HEPHL1: variants seen among roughly 807,000 people sequenced by gnomAD.
HEPHL1 encodes ferroxidase HEPHL1.
A neutral mutation model predicts 122.0 loss-of-function variants in HEPHL1; 123 were observed. The ratio of observed to expected loss-of-function variants is 1.01; its 90% CI spans 0.87 to 1.17. HEPHL1 has a LOEUF of 1.17. HEPHL1 is among the 50% of genes most tolerant of loss of function. The probability of loss-of-function intolerance (pLI) is 0.00; values close to 1 mark genes in which losing one functional copy is unlikely to be tolerated. For missense variants in HEPHL1, 1,452 were observed against 1,430.5 expected, an observed-to-expected ratio of 1.01 and a Z score of -0.24; for synonymous variants, 527 against 508.9, an observed-to-expected ratio of 1.04 and a Z score of -0.48.
chr11:94,061,377 G>A (rs1419710958), intron 2 of HEPHL1, among the ~76,000 whole-genome samples: 1 of 152,110 alleles, frequency 6.6e-6, no homozygotes, highest in East Asian at 1.9e-4. Flanking sequence ...ATGGAAGGAA[G>A]AAGCCAGCGT....
At chr11:94,095,074 C>A (rs1364716293) in intron 13 of HEPHL1, among the ~76,000 whole-genome samples, 2 of 152,116 alleles carry the variant, frequency 1.3e-5, no homozygotes, top group African/African-American at 2.4e-5. Flanking sequence ...CTTGCCCATA[C>A]CTATGTCCTG....
At chr11:94,026,032 A>G (rs1357064196) in intron 1 of HEPHL1, among the ~76,000 whole-genome samples, 1 of 152,208 alleles carries the variant, frequency 6.6e-6, no homozygotes, top group Non-Finnish European at 1.5e-5. Context: ...AGAAGTGGGC[A>G]GTCCAAGGCT....
At chr11:94,089,080 C>T in intron 12 of HEPHL1, 112 bp downstream of exon 12, 1 of 977,676 alleles carries the variant, frequency 1.0e-6, no homozygotes, top group Non-Finnish European at 1.6e-6. Flanking sequence ...CAGTTCCGGC[C>T]GACAGAGACT....
At position 94,102,096 on chromosome 11, in the gene HEPHL1, T is replaced by C. The variant is rs150089776; in HGVS notation, c.2575+761T>C. Reference sequence around the variant, plus strand: ...TGTATAGGAAAACACATAGTATATATAGGTATGGCACTGTCTGTGGTTTCA... The same window carrying C: ...TGTATAGGAAAACACATAGTATATACAGGTATGGCACTGTCTGTGGTTTCA... On this transcript the variant is annotated intron_variant, in intron 14 of 19. Coordinates refer to ENST00000315765, the MANE Select transcript of HEPHL1 (RefSeq NM_001098672.2). Among the ~76,000 whole-genome samples, 978 of 152,288 alleles carry C rather than the reference T, an allele frequency of 6.4e-3. 5 individuals carry two copies. Among genetic ancestry groups the C allele is most frequent in the African/African-American group, 0.022 (908 of 41,560 alleles).
At chr11:94,087,697 T>A (rs755929243) in intron 11 of HEPHL1, among the ~76,000 whole-genome samples, 2 of 152,038 alleles carry the variant, frequency 1.3e-5, no homozygotes, top group Admixed American at 1.3e-4. Context: ...AAAAAACAAA[T>A]GTAGGGGACA....
At chr11:94,056,657 T>TATCTATCTATTTATCTATC (rs3060401) in intron 2 of HEPHL1, among the ~76,000 whole-genome samples, 3 of 111,804 alleles carry the variant, frequency 2.7e-5, no homozygotes, top group African/African-American at 9.5e-5. Context: ...CTATTATTGA[T>TATCTATCTATTTATCTATC]TATCTATCTA....
chr11:94,062,054 G>T (rs1339047181), intron 2 of HEPHL1, among the ~76,000 whole-genome samples: 3 of 152,016 alleles, frequency 2.0e-5, no homozygotes, highest in African/African-American at 7.2e-5. Context: ...TAATTATGTA[G>T]CATATAGGTT....
chr11:94,021,667 T>G, intron 1 of HEPHL1, 129 bp downstream of exon 1: 3 of 737,818 alleles, frequency 4.1e-6, no homozygotes, highest in Non-Finnish European at 6.7e-6. Flanking sequence ...GGTGTTTTGT[T>G]TTTTGCTTGA....
intron 1 of HEPHL1, among the ~76,000 whole-genome samples, chr11:94,039,759 AG>A (rs1945758841): frequency 6.7e-6 from 1 of 148,802 alleles, no homozygotes; most frequent in South Asian, 2.2e-4. Flanking sequence ...AATGCCCACA[AG>A]AGAAAGCAGG....
chr11:94,068,429 C>T (rs1326112714), intron 5 of HEPHL1, among the ~76,000 whole-genome samples: 1 of 152,150 alleles, frequency 6.6e-6, no homozygotes, highest in Non-Finnish European at 1.5e-5. Flanking sequence ...CTATAGCTTC[C>T]TTCATGTCCT....
At chr11:94,027,180 A>G (rs1356983834) in intron 1 of HEPHL1, among the ~76,000 whole-genome samples, 6 of 152,052 alleles carry the variant, frequency 3.9e-5, no homozygotes, top group Admixed American at 3.9e-4. Context: ...CTGTGTGTCT[A>G]GCCTATCTTT....
intron 4 of HEPHL1, among the ~76,000 whole-genome samples, chr11:94,065,439 A>G (rs925911487): frequency 7.2e-5 from 11 of 152,226 alleles, no homozygotes; most frequent in Admixed American, 2.6e-4. Context: ...GAGAAGTCCC[A>G]TAGCAAATAA....
chr11:94,063,444 A>G lies in HEPHL1; in HGVS notation c.416-64A>G, dbSNP rs1400343070. On this transcript the variant is annotated intron_variant, in intron 2 of 19. Coordinates refer to ENST00000315765, the MANE Select transcript of HEPHL1 (RefSeq NM_001098672.2). ...TTCCAAAGCTCTGGCCCTCTCTACTATAGCATGTGATCTCTCTGTTTTAAC... is the reference window on the plus strand; with the variant it reads ...TTCCAAAGCTCTGGCCCTCTCTACTGTAGCATGTGATCTCTCTGTTTTAAC... 1.6e-5 allele frequency: 20 copies of G among 1,286,386 alleles called. No homozygotes were observed. The East Asian group carries it at 4.0e-4, about 26-fold the overall frequency. 79.7% of individuals were successfully genotyped at this position (1,286,386 alleles called of 1,614,324 possible).
At chr11:94,051,828 T>C (rs1249720749) in intron 2 of HEPHL1, among the ~76,000 whole-genome samples, 1 of 152,082 alleles carries the variant, frequency 6.6e-6, no homozygotes, top group Non-Finnish European at 1.5e-5. Context: ...TGGTGAGAGA[T>C]AGGAGTCTAG....
chr11:94,060,223 A>G (rs1310712039), intron 2 of HEPHL1, among the ~76,000 whole-genome samples: 1 of 150,222 alleles, frequency 6.7e-6, no homozygotes, highest in Non-Finnish European at 1.5e-5. Flanking sequence ...AATGCAGCTT[A>G]CAGTCTAACA....
At chr11:94,096,767 A>T (rs987059330) in intron 13 of HEPHL1, among the ~76,000 whole-genome samples, 1 of 152,144 alleles carries the variant, frequency 6.6e-6, no homozygotes, top group Admixed American at 6.5e-5. Flanking sequence ...GTGTCGAGGA[A>T]TTTATCCATT....
At chr11:94,021,696 G>A (rs1426541706) in intron 1 of HEPHL1, among the ~76,000 whole-genome samples, 158 bp downstream of exon 1, 27 of 152,076 alleles carry the variant, frequency 1.8e-4, no homozygotes, top group Admixed American at 1.8e-3. Flanking sequence ...AGTATGGATG[G>A]GTGTGTAATC....
intron 2 of HEPHL1, among the ~76,000 whole-genome samples, 174 bp downstream of exon 2, chr11:94,046,091 C>CTTTTTTTTTTCTTTTTTTTTTTTTT (rs1555059416): frequency 1.5e-5 from 1 of 65,048 alleles, no homozygotes. Flanking sequence ...CCCTTTCTTG[C>CTTTTTTTTTTCTTTTTTTTTTTTTT]TTTTTTTTTT....
intron 1 of HEPHL1, among the ~76,000 whole-genome samples, chr11:94,024,277 C>T (rs1019235599): frequency 6.6e-6 from 1 of 152,192 alleles, no homozygotes; most frequent in African/African-American, 2.4e-5. Context: ...GCTGTGTAAT[C>T]TTGAACATGT....
Sources: allele counts gnomAD v4.1 joint callset (sites outside exome capture counted in the v4.1 genomes callset), GRCh38; gene constraint gnomAD v4.1.1; transcripts MANE v1.5; gene names NCBI Gene and HGNC (gene_info 2026-07-23, HGNC 2026-07-21).